The following DPP10 variants were observed in gnomAD, a reference collection of about 807,000 sequenced individuals.
The protein encoded by DPP10 is dipeptidyl peptidase like 10.
A neutral mutation model predicts 120.9 loss-of-function variants in DPP10; 33 were observed. The observed-to-expected ratio is 0.27, with a 90% CI of 0.21 to 0.37. The LOEUF (loss-of-function observed/expected upper bound fraction) is 0.37, where lower values mean the gene tolerates loss of function less well. Ranked by LOEUF, DPP10 falls within the 10% of genes least tolerant of loss-of-function variation. The pLI, the probability that DPP10 is intolerant of heterozygous loss-of-function variation, is 1.00. For synonymous variants in DPP10, 337 were observed against 326.1 expected, an observed-to-expected ratio of 1.03 and a Z score of -0.36; for missense variants, 816 against 942.8, an observed-to-expected ratio of 0.87 and a Z score of 1.76.
At chr2:115,640,854 G>A (rs778223303) in intron 5 of DPP10, among the ~76,000 whole-genome samples, 2 of 152,102 alleles carry the variant, frequency 1.3e-5, no homozygotes, top group Non-Finnish European at 2.9e-5. Flanking sequence ...ATTATACACC[G>A]ATGTTACAAA....
intron 4 of DPP10, among the ~76,000 whole-genome samples, chr2:115,518,611 A>G (rs1013980126): frequency 1.3e-5 from 2 of 152,070 alleles, no homozygotes; most frequent in Admixed American, 6.6e-5. Flanking sequence ...ATAAAATCAT[A>G]TTACTAATTG....
In DPP10 at chr2:114,831,861, T is replaced by A. The variant is rs557019841; in HGVS notation, c.60+389023T>A. Among the ~76,000 whole-genome samples the A allele has an allele frequency of 2.6e-3, 344 of 134,214 alleles. 4 individuals carry two copies. The highest frequency in any genetic ancestry group is 6.0e-3 in the East Asian group (26 of 4,326). The allele number at this position is 134,214 out of a possible 152,430, so 88.0% of individuals were successfully genotyped here. On this transcript the variant is annotated intron_variant, in intron 1 of 25. Transcript: ENST00000410059. ...TCTCTCTCTTTAATTAAAAAAAATATATATATATATAATATATATGTATAT... is the reference window on the plus strand; with the variant it reads ...TCTCTCTCTTTAATTAAAAAAAATAAATATATATATAATATATATGTATAT...
rs572024188 is a variant in DPP10 at position 114,475,234 on chromosome 2, G to A, written c.60+32396G>A. ...AAACACTTACCATGATATCCTTCAG[G>A]ACTCACCTTTCCTGGCACAGAGGTT... is the stretch of plus-strand genomic sequence containing the variant. On this transcript the variant is annotated intron_variant, in intron 1 of 25. Coordinates refer to ENST00000410059, the MANE Select transcript of DPP10 (RefSeq NM_020868.6). 2.0e-4 allele frequency among the ~76,000 whole-genome samples: 30 copies of A among 152,188 alleles called. No individual in the cohort carries two copies. In the East Asian group the frequency reaches 4.8e-3, roughly 25 times the overall value.
intron 1 of DPP10, among the ~76,000 whole-genome samples, chr2:114,460,004 C>G (rs770133456): frequency 6.6e-6 from 1 of 152,132 alleles, no homozygotes; most frequent in Non-Finnish European, 1.5e-5. Flanking sequence ...AATCTTCTTA[C>G]AAACCATCTA....
chr2:115,794,575 T>C (rs1684339304), intron 19 of DPP10, among the ~76,000 whole-genome samples: 1 of 151,972 alleles, frequency 6.6e-6, no homozygotes, highest in South Asian at 2.1e-4. Flanking sequence ...TAGAATATTT[T>C]TACCATAATG....
chr2:115,307,467 A>T (rs775980396), intron 1 of DPP10, among the ~76,000 whole-genome samples: 4 of 152,132 alleles, frequency 2.6e-5, no homozygotes, highest in Non-Finnish European at 5.9e-5. Flanking sequence ...TGAAACAATA[A>T]TATGTGCTTG....
intron 2 of DPP10, among the ~76,000 whole-genome samples, chr2:115,321,080 A>G (rs1186815944): frequency 6.6e-6 from 1 of 152,110 alleles, no homozygotes; most frequent in Non-Finnish European, 1.5e-5. Flanking sequence ...TGGGAGGATC[A>G]CCTGAGGCCA....
chr2:114,727,024 A>G (rs1251943236), intron 1 of DPP10, among the ~76,000 whole-genome samples: 1 of 152,202 alleles, frequency 6.6e-6, no homozygotes, highest in Non-Finnish European at 1.5e-5. Context: ...AAAGGAAGAA[A>G]TTCAAATGTT....
chr2:114,896,550 GTA>G (rs1417383824), intron 1 of DPP10, among the ~76,000 whole-genome samples: 1 of 152,052 alleles, frequency 6.6e-6, no homozygotes. Flanking sequence ...TGTTATTGGT[GTA>G]TAAGAATGCT....
chr2:115,394,709 T>C (rs888668377), intron 3 of DPP10, among the ~76,000 whole-genome samples: 4 of 152,194 alleles, frequency 2.6e-5, no homozygotes, highest in Non-Finnish European at 5.9e-5. Flanking sequence ...AAGGGACTTT[T>C]AAAAGTGTCT....
At chr2:115,232,161 G>T (rs561821294) in intron 1 of DPP10, among the ~76,000 whole-genome samples, 1 of 152,042 alleles carries the variant, frequency 6.6e-6, no homozygotes, top group African/African-American at 2.4e-5. Context: ...CCTTGGCATC[G>T]GAAGGCTCCC....
intron 5 of DPP10, among the ~76,000 whole-genome samples, chr2:115,605,775 A>T (rs1398077337): frequency 6.6e-6 from 1 of 152,082 alleles, no homozygotes; most frequent in East Asian, 1.9e-4. Flanking sequence ...AAAATCAAAC[A>T]TTTCTGGAGC....
chr2:114,662,226 G>T (rs1016311927), intron 1 of DPP10, among the ~76,000 whole-genome samples: 11 of 152,156 alleles, frequency 7.2e-5, no homozygotes, highest in South Asian at 2.1e-4. Context: ...GTGTCCTGAG[G>T]GGGGAGACTG....
chr2:115,640,676 G>A (rs1454535088), intron 5 of DPP10, among the ~76,000 whole-genome samples: 2 of 152,198 alleles, frequency 1.3e-5, no homozygotes, highest in East Asian at 1.9e-4. Flanking sequence ...CTGAACTATG[G>A]CAGCGCAATG....
chr2:115,293,913 C>T (rs943169198), intron 1 of DPP10, among the ~76,000 whole-genome samples: 2 of 151,958 alleles, frequency 1.3e-5, no homozygotes, highest in Non-Finnish European at 2.9e-5. Context: ...TCATTGTCTT[C>T]CCTGACAGCC....
chr2:115,361,048 G>T (rs1329107845), intron 3 of DPP10, among the ~76,000 whole-genome samples: 1 of 152,112 alleles, frequency 6.6e-6, no homozygotes, highest in East Asian at 1.9e-4. Context: ...TTTGTTCTCC[G>T]ATTGCTTGTC....
intron 1 of DPP10, among the ~76,000 whole-genome samples, chr2:114,620,369 G>T (rs74535798): frequency 0.01 from 1,524 of 152,032 alleles, 25 homozygotes; most frequent in African/African-American, 0.035. Flanking sequence ...AATTGAGGTG[G>T]CTGTTAGGAT....
chr2:115,214,470 G>A (rs531210447), intron 1 of DPP10, among the ~76,000 whole-genome samples: 1 of 152,088 alleles, frequency 6.6e-6, no homozygotes, highest in Non-Finnish European at 1.5e-5. Context: ...ATCAACCGAG[G>A]TGATGTTAAG....
chr2:114,734,424 T>C (rs1468135908), intron 1 of DPP10, among the ~76,000 whole-genome samples: 3 of 152,180 alleles, frequency 2.0e-5, no homozygotes, highest in African/African-American at 7.2e-5. Context: ...CTCAACCAAT[T>C]GTCCACCAGA....
Sources: gnomAD v4.1 joint callset for allele counts (sites outside exome capture counted in the v4.1 genomes callset) on GRCh38, gnomAD v4.1.1 for gene constraint, MANE v1.5 for transcripts, NCBI Gene and HGNC (gene_info 2026-07-23, HGNC 2026-07-21) for gene names.